CAPN2: variants seen among roughly 807,000 people sequenced by gnomAD.
CAPN2 encodes the protein calpain-2 catalytic subunit.
A neutral mutation model predicts 102.3 loss-of-function variants in CAPN2; 92 were observed. The observed-to-expected ratio is 0.90, with a 90% CI of 0.76 to 1.07. CAPN2 has a LOEUF of 1.07. Among genes scored for constraint, CAPN2 ranks in the 50% least tolerant of loss-of-function variants. The probability of loss-of-function intolerance (pLI) is 0.00; values close to 1 mark genes in which losing one functional copy is unlikely to be tolerated. For missense variants in CAPN2, 800 were observed against 909.4 expected (o/e 0.88, Z 1.55); for synonymous variants, 340 against 355.4 (o/e 0.96, Z 0.49).
chr1:223,706,793 A>G (rs1659615218), intron 1 of CAPN2, among the ~76,000 whole-genome samples: 3 of 152,176 alleles, frequency 2.0e-5, no homozygotes, highest in African/African-American at 7.2e-5. Context: ...GTATCTCCAG[A>G]ACCTGGCTAG....
intron 14 of CAPN2, among the ~76,000 whole-genome samples, chr1:223,763,410 T>C (rs1030513825): frequency 3.0e-4 from 46 of 152,198 alleles, no homozygotes; most frequent in African/African-American, 1.1e-3. Context: ...TCCCCTCTGA[T>C]TGAATCCCAC....
At chr1:223,723,392 C>G (rs1336415533) in intron 2 of CAPN2, among the ~76,000 whole-genome samples, 1 of 152,136 alleles carries the variant, frequency 6.6e-6, no homozygotes, top group Admixed American at 6.5e-5. Context: ...TAGATGTTGG[C>G]TGGTTTGATG....
chr1:223,762,841 T>C (rs1661221451), intron 14 of CAPN2, among the ~76,000 whole-genome samples: 1 of 152,082 alleles, frequency 6.6e-6, no homozygotes, highest in South Asian at 2.1e-4. Context: ...CCACCATGTC[T>C]AGCTAATTTT....
intron 1 of CAPN2, among the ~76,000 whole-genome samples, chr1:223,707,079 C>CAAA (rs34249886): frequency 1.2e-5 from 1 of 80,932 alleles, no homozygotes; most frequent in Non-Finnish European, 2.6e-5. Context: ...GACTCCACCT[C>CAAA]AAAAAAAAAA....
chr1:223,706,117 C>T (rs543873323), intron 1 of CAPN2, among the ~76,000 whole-genome samples: 5 of 152,270 alleles, frequency 3.3e-5, no homozygotes, highest in South Asian at 2.1e-4. Flanking sequence ...GATGTAATAC[C>T]CTAAGCTCCA....
rs1038110546 is a variant in CAPN2 at position 223,756,554 on chromosome 1, T to A, written c.1306-815T>A. ...ATAGTACAAATCAGAGCTTCCACCC[T>A]CTCCCAAGAGCCAGTTTCCCAGCAC... On this transcript the variant is annotated intron_variant, in intron 10 of 20. Transcript: ENST00000295006. The surrounding 1 kb of genome is among the most constrained non-coding windows in gnomAD (Gnocchi z 4.1). Among the ~76,000 whole-genome samples, 2 of 152,072 alleles carry A rather than the reference T, an allele frequency of 1.3e-5. No individual in the cohort carries two copies. Among genetic ancestry groups the A allele is most frequent in the Admixed American group, 1.3e-4 (2 of 15,268 alleles).
intron 1 of CAPN2, among the ~76,000 whole-genome samples, chr1:223,716,952 A>G (rs928355633): frequency 6.6e-6 from 1 of 152,154 alleles, no homozygotes; most frequent in East Asian, 1.9e-4. Flanking sequence ...TTCCAATGCC[A>G]GTGCTGTCTA....
At position 223,770,502 on chromosome 1, in the gene CAPN2, T is replaced by C. The variant is rs1394755484; in HGVS notation, c.1880T>C (p.Met627Thr). 5 of 1,613,666 alleles carry C rather than the reference T, an allele frequency of 3.1e-6. No individual in the cohort carries two copies. The Admixed American group carries it at 8.3e-5, about 27-fold the overall frequency. Residue 627 changes from methionine (M) to threonine (T), a missense_variant, in exon 18 of 21, where the codon ATG becomes ACG. Physicochemically the swap from Met to Thr is moderately conservative, Grantham distance 81. Coordinates refer to ENST00000295006, the MANE Select transcript of CAPN2 (RefSeq NM_001748.5). ...DRSGTMNSYEMRKALEEAGFK... is the reference protein window; with the variant it reads ...DRSGTMNSYETRKALEEAGFK... Reference sequence around the variant, plus strand: ...TCTGGTACCATGAATTCCTATGAAATGCGGAAGGCATTAGAAGAAGCAGGT... The same window carrying C: ...TCTGGTACCATGAATTCCTATGAAACGCGGAAGGCATTAGAAGAAGCAGGT...
At chr1:223,703,242 G>A (rs575313050) in intron 1 of CAPN2, among the ~76,000 whole-genome samples, 1 of 152,222 alleles carries the variant, frequency 6.6e-6, no homozygotes, top group South Asian at 2.1e-4. Flanking sequence ...TGTAAACATG[G>A]AAACAATGAC....
rs28370100 is a variant in CAPN2, at chr1:223,757,173, G to A, written c.1306-196G>A. 5.3e-3 allele frequency among the ~76,000 whole-genome samples: 807 copies of A among 152,348 alleles called. 21 individuals are homozygous for A. The highest frequency in any genetic ancestry group is 0.051 in the Admixed American group (778 of 15,298). Reference sequence around the variant, plus strand: ...TATACTCTAAGTTAGGAAGGGAGGTGAGGGCTTATCAACATAAGAGGATTT... The same window carrying A: ...TATACTCTAAGTTAGGAAGGGAGGTAAGGGCTTATCAACATAAGAGGATTT... On this transcript the variant is annotated intron_variant, in intron 10 of 20. Coordinates refer to ENST00000295006, the MANE Select transcript of CAPN2 (RefSeq NM_001748.5).
In CAPN2 at chr1:223,735,441, T is replaced by A. The variant is rs1169210684; in HGVS notation, c.308-8659T>A. Among the ~76,000 whole-genome samples, 3 of 151,404 alleles carry A rather than the reference T, an allele frequency of 2.0e-5. No homozygotes were observed. The East Asian group carries it at 5.9e-4, about 30-fold the overall frequency. On this transcript the variant is annotated intron_variant, in intron 2 of 20. Coordinates refer to ENST00000295006, the MANE Select transcript of CAPN2 (RefSeq NM_001748.5). ...TACTCAGGAGGCTGAGGCAGGAGAA[T>A]TGCTTGAACCCAGGAAGCAGAGGTT...
At position 223,769,858 on chromosome 1, in the gene CAPN2, G is replaced by C; in HGVS notation, c.1773G>C (p.Lys591Asn). Residue 591 changes from lysine (K) to asparagine (N), a missense_variant, in exon 17 of 21, where the codon AAG (lysine) becomes AAC (asparagine). Coordinates refer to ENST00000295006, the MANE Select transcript of CAPN2 (RefSeq NM_001748.5). ...GAAGGCAGTCGGACGGGAGTGGCAA[G>C]CTGGGGCTGAAGGAGTTCTACATTC... ...VDMLDSDGSGKLGLKEFYILW... is the reference protein window; with the variant it reads ...VDMLDSDGSGNLGLKEFYILW... 1 of 1,609,264 alleles carries C rather than the reference G, an allele frequency of 6.2e-7. No homozygotes were observed. The highest frequency in any genetic ancestry group is 8.5e-7 in the Non-Finnish European group (1 of 1,177,710).
intron 1 of CAPN2, among the ~76,000 whole-genome samples, chr1:223,702,967 C>G (rs1659520564): frequency 6.6e-6 from 1 of 152,152 alleles, no homozygotes; most frequent in Non-Finnish European, 1.5e-5. Flanking sequence ...AGCTGCTGGA[C>G]ACAGAGAGTA....
chr1:223,766,308 A>C, intron 15 of CAPN2, 59 bp from the exon 16 acceptor site: 1 of 1,236,610 alleles, frequency 8.1e-7, no homozygotes, highest in South Asian at 1.2e-5. Flanking sequence ...GATTGTGGAA[A>C]GTTCAGTTGG....
rs756496970 is a variant in CAPN2 at position 223,759,338 on chromosome 1, A to C, written c.1386A>C (p.Ser462=). 5.6e-6 allele frequency: 9 copies of C among 1,614,232 alleles called. No homozygotes were observed. The East Asian group carries it at 1.8e-4, about 32-fold the overall frequency. The change falls in exon 12 of 21, where the codon TCA becomes TCC. Residue 462 remains serine (S), a synonymous_variant. Transcript: ENST00000295006. The surrounding 1 kb of genome is among the most constrained non-coding windows in gnomAD (Gnocchi z 4.6). The part of the protein sequence containing the change: ...FFLTNRARER[S]DTFINLREVL... Reference sequence around the variant, plus strand: ...TGACGAATCGCGCCAGGGAGCGCTCAGACACCTTCATCAACCTCCGGGAGG... The same window carrying C: ...TGACGAATCGCGCCAGGGAGCGCTCCGACACCTTCATCAACCTCCGGGAGG...
chr1:223,757,231 G>A (rs1661058021), intron 10 of CAPN2, 138 bp from the exon 11 acceptor site: 1 of 966,424 alleles, frequency 1.0e-6, no homozygotes, highest in Non-Finnish European at 1.7e-6. Flanking sequence ...GAGTTCCTTG[G>A]AAAACAGTTA....
Position 223,766,392 on chromosome 1 carries a change from C to T in CAPN2, c.1716C>T (p.Phe572=). ...AKRQDIKSDG[F]SIETCKIMVD... ...GCCAAGATATCAAGTCAGATGGCTT[C>T]AGCATCGAGACATGCAAAATTATGG... Residue 572 remains phenylalanine (F), a synonymous_variant, in exon 16 of 21, where the codon TTC becomes TTT. Transcript: ENST00000295006. 6.2e-7 allele frequency: 1 copy of T among 1,613,928 alleles called. No homozygotes were observed. Among genetic ancestry groups the T allele is most frequent in the Non-Finnish European group, 8.5e-7 (1 of 1,179,780 alleles).
chr1:223,746,094 C>T (rs1051917361), intron 4 of CAPN2, among the ~76,000 whole-genome samples: 7 of 152,130 alleles, frequency 4.6e-5, no homozygotes, highest in African/African-American at 9.7e-5. Flanking sequence ...CTGTGCCGCC[C>T]GGCTCCTTCC....
upstream of CAPN2, among the ~76,000 whole-genome samples, chr1:223,709,105 C>T (rs181990944): frequency 6.6e-6 from 1 of 152,164 alleles, no homozygotes; most frequent in Non-Finnish European, 1.5e-5. Context: ...TCAGTCAATT[C>T]CCAGGAGAAG....
Sources: allele counts gnomAD v4.1 joint callset (sites outside exome capture counted in the v4.1 genomes callset), GRCh38; gene constraint gnomAD v4.1.1; non-coding constraint Gnocchi (gnomAD v3.1); transcripts MANE v1.5; gene names NCBI Gene and HGNC (gene_info 2026-07-23, HGNC 2026-07-21).